The following DCDC1 variants were observed in gnomAD, a reference collection of about 807,000 sequenced individuals.
The protein encoded by DCDC1 is doublecortin domain-containing protein 1.
A neutral mutation model predicts 178.3 loss-of-function variants in DCDC1; 200 were observed. That is an observed-to-expected ratio of 1.12 (90% CI 1.00 to 1.26). The LOEUF is 1.26. Among genes scored for constraint, DCDC1 ranks in the 50% most tolerant of loss-of-function variants. The pLI is 0.00. For missense variants in DCDC1, 1,983 were observed against 1,749.2 expected (o/e 1.13, Z -2.38); for synonymous variants, 690 against 604.8 (o/e 1.14, Z -2.07).
At chr11:31,059,642 C>T (rs776161351) in intron 20 of DCDC1, among the ~76,000 whole-genome samples, 27 of 151,916 alleles carry the variant, frequency 1.8e-4, no homozygotes, top group Non-Finnish European at 2.9e-4. Context: ...GGAGCTGTAG[C>T]AATTTAAACA....
rs1411630145 is a variant in DCDC1, at chr11:30,881,321, G to A, written c.5083-13C>T. ...AGTCTTGCAGCAGCTGAGACACAGA[G>A]GGACAGCCACATTTGAATACGGAAT... is the stretch of plus-strand genomic sequence containing the variant. On this transcript the variant is annotated splice_polypyrimidine_tract_variant and intron_variant, in intron 36 of 38. Coordinates refer to ENST00000684477, the MANE Select transcript of DCDC1 (RefSeq NM_001387274.1). 1.9e-6 allele frequency: 3 copies of A among 1,611,682 alleles called. No homozygotes were observed. Among genetic ancestry groups the A allele is most frequent in the African/African-American group, 2.7e-5 (2 of 74,770 alleles).
intron 20 of DCDC1, among the ~76,000 whole-genome samples, chr11:31,018,723 C>CT (rs1952660365): frequency 6.6e-6 from 1 of 152,170 alleles, no homozygotes; most frequent in Non-Finnish European, 1.5e-5. Context: ...TGAGATTAGA[C>CT]AGCATGCACT....
At chr11:31,134,332 C>T (rs1447243491) in intron 10 of DCDC1, among the ~76,000 whole-genome samples, 2 of 152,214 alleles carry the variant, frequency 1.3e-5, no homozygotes, top group African/African-American at 4.8e-5. Context: ...CTACTGTGCT[C>T]TGAAATCCAT....
chr11:31,212,049 C>G (rs1972599548), intron 9 of DCDC1, among the ~76,000 whole-genome samples: 1 of 149,388 alleles, frequency 6.7e-6, no homozygotes, highest in Admixed American at 6.7e-5. Context: ...CGCCACTGCA[C>G]TCCAGCCTGG....
chr11:30,936,454 C>T (rs1276909667), intron 21 of DCDC1, among the ~76,000 whole-genome samples: 1 of 152,004 alleles, frequency 6.6e-6, no homozygotes, highest in East Asian at 1.9e-4. Flanking sequence ...TGTGATAATC[C>T]CTTCTAATTT....
intron 20 of DCDC1, among the ~76,000 whole-genome samples, chr11:31,011,981 T>G (rs975966790): frequency 1.3e-5 from 2 of 152,172 alleles, no homozygotes; most frequent in African/African-American, 4.8e-5. Flanking sequence ...GATGGATTTC[T>G]CCCTTGCTGT....
intron 9 of DCDC1, among the ~76,000 whole-genome samples, chr11:31,228,634 T>G (rs1405488263): frequency 6.6e-6 from 1 of 151,898 alleles, no homozygotes; most frequent in Non-Finnish European, 1.5e-5. Context: ...TTGGAAAATA[T>G]CAATAAAATT....
intron 20 of DCDC1, among the ~76,000 whole-genome samples, chr11:31,006,130 C>T (rs1269360820): frequency 6.6e-6 from 1 of 152,018 alleles, no homozygotes; most frequent in Non-Finnish European, 1.5e-5. Context: ...TAGTCAATAG[C>T]TTTTGTCCTC....
At chr11:31,321,401 G>A (rs9736748) in intron 3 of DCDC1, among the ~76,000 whole-genome samples, 1 of 148,196 alleles carries the variant, frequency 6.7e-6, no homozygotes, top group Non-Finnish European at 1.5e-5. Context: ...ATATTCGGGT[G>A]GGAGTGACCC....
chr11:30,886,824 G>T (rs952902303), intron 36 of DCDC1, among the ~76,000 whole-genome samples: 13 of 151,968 alleles, frequency 8.6e-5, no homozygotes, highest in African/African-American at 2.9e-4. Flanking sequence ...TGGGAAAAAT[G>T]AGGAGCTATA....
intron 36 of DCDC1, among the ~76,000 whole-genome samples, chr11:30,884,515 G>A (rs566503157): frequency 1.3e-5 from 2 of 152,106 alleles, no homozygotes; most frequent in African/African-American, 2.4e-5. Flanking sequence ...GAAAACTTAG[G>A]TGAATCAAAT....
chr11:31,195,285 T>G (rs1970570710), intron 9 of DCDC1, among the ~76,000 whole-genome samples: 1 of 152,086 alleles, frequency 6.6e-6, no homozygotes, highest in Admixed American at 6.6e-5. Flanking sequence ...CTGTGAAACC[T>G]TTGGCAAAAA....
intron 20 of DCDC1, among the ~76,000 whole-genome samples, chr11:30,960,276 G>T (rs1361150426): frequency 6.6e-6 from 1 of 151,992 alleles, no homozygotes; most frequent in Non-Finnish European, 1.5e-5. Context: ...TTATCTGGTT[G>T]CAGTGCCTAT....
chr11:31,259,873 C>T (rs192825294), intron 8 of DCDC1, among the ~76,000 whole-genome samples: 38 of 152,292 alleles, frequency 2.5e-4, no homozygotes, highest in Admixed American at 1.1e-3. Context: ...TGGTCTTTGG[C>T]AGCAGTCATG....
intron 20 of DCDC1, among the ~76,000 whole-genome samples, chr11:31,000,889 A>G (rs1346700819): frequency 6.6e-6 from 1 of 152,140 alleles, no homozygotes; most frequent in Non-Finnish European, 1.5e-5. Context: ...TATACCCTTC[A>G]CCCAGATTCA....
intron 20 of DCDC1, among the ~76,000 whole-genome samples, chr11:31,029,477 A>T (rs1263162798): frequency 6.6e-6 from 1 of 152,148 alleles, no homozygotes; most frequent in Non-Finnish European, 1.5e-5. Flanking sequence ...CAGTGTGCAG[A>T]TGCCTATGAT....
chr11:31,288,183 G>A (rs1946974739), intron 7 of DCDC1, among the ~76,000 whole-genome samples: 1 of 151,858 alleles, frequency 6.6e-6, no homozygotes, highest in South Asian at 2.1e-4. Context: ...TAATCTCAAA[G>A]TTGTGTATCC....
intron 9 of DCDC1, among the ~76,000 whole-genome samples, chr11:31,177,155 AT>A (rs1238652135): frequency 6.6e-6 from 1 of 152,084 alleles, no homozygotes; most frequent in Non-Finnish European, 1.5e-5. Flanking sequence ...ACAAATATAA[AT>A]TGTTGGGAGG....
Position 31,103,727 on chromosome 11 carries a change from C to T in DCDC1, c.1794G>A (p.Val598=). The T allele has an allele frequency of 1.3e-6, 1 of 765,704 alleles. No homozygotes were observed. Among genetic ancestry groups the T allele is most frequent in the Non-Finnish European group, 2.4e-6 (1 of 417,626 alleles). The allele number at this position is 765,704 out of a possible 1,614,324, so 47.4% of individuals were successfully genotyped here. Residue 598 remains valine (V), a synonymous_variant, in exon 14 of 39, where the codon GTG becomes GTA. Coordinates refer to ENST00000684477, the MANE Select transcript of DCDC1 (RefSeq NM_001387274.1). The part of the protein sequence containing the change: ...NLALGLTFDR[V]SAFARGDIMV... The stretch of plus-strand genomic sequence containing the variant: ...TGATATCACCTCTGGCAAATGCACT[C>T]ACTCGGTCAAAGGTCAAACCCAAAG...
Sources: allele counts gnomAD v4.1 joint callset (sites outside exome capture counted in the v4.1 genomes callset), GRCh38; gene constraint gnomAD v4.1.1; transcripts MANE v1.5; gene names NCBI Gene and HGNC (gene_info 2026-07-23, HGNC 2026-07-21).